The following SRPK2 variants were observed in gnomAD, a reference collection of about 807,000 sequenced individuals.
SRPK2 encodes the protein SRSF protein kinase 2.
A neutral mutation model predicts 90.8 loss-of-function variants in SRPK2; 21 were observed. The ratio of observed to expected loss-of-function variants is 0.23; its 90% CI spans 0.16 to 0.33. The LOEUF is 0.33. Among genes scored for constraint, SRPK2 ranks in the 10% least tolerant of loss-of-function variants. The pLI, the probability that SRPK2 is intolerant of heterozygous loss-of-function variation, is 1.00. For missense variants in SRPK2, 620 were observed against 869.0 expected, an observed-to-expected ratio of 0.71 and a Z score of 3.60; for synonymous variants, 288 against 311.1, an observed-to-expected ratio of 0.93 and a Z score of 0.78.
chr7:105,254,221 T>TA (rs1802901876), intron 2 of SRPK2, among the ~76,000 whole-genome samples: 1 of 152,224 alleles, frequency 6.6e-6, no homozygotes, highest in African/African-American at 2.4e-5. Flanking sequence ...TACTTAACTT[T>TA]TACTAGAGTA....
upstream of SRPK2, among the ~76,000 whole-genome samples, chr7:105,390,249 T>C (rs138747442): frequency 2.3e-3 from 347 of 152,272 alleles, 3 homozygotes; most frequent in African/African-American, 7.8e-3. Flanking sequence ...TAATCATCTG[T>C]AACATACAGG....
chr7:105,307,078 T>A (rs980139508), intron 2 of SRPK2, among the ~76,000 whole-genome samples: 14 of 152,310 alleles, frequency 9.2e-5, no homozygotes, highest in African/African-American at 3.1e-4. Flanking sequence ...AGATTTAATT[T>A]AAGGGTCAGA....
intron 2 of SRPK2, among the ~76,000 whole-genome samples, chr7:105,357,314 C>T (rs1198316216): frequency 6.6e-6 from 1 of 152,222 alleles, no homozygotes; most frequent in Admixed American, 6.5e-5. Flanking sequence ...GCTGCGATTA[C>T]AGGCGTGAGC....
At chr7:105,190,353 G>T (rs1193000702) in intron 3 of SRPK2, among the ~76,000 whole-genome samples, 4 of 152,268 alleles carry the variant, frequency 2.6e-5, no homozygotes, top group Non-Finnish European at 5.9e-5. Context: ...GTCCACTCTA[G>T]GTCAAAATGA....
intron 3 of SRPK2, among the ~76,000 whole-genome samples, chr7:105,198,179 G>A (rs1441136752): frequency 2.0e-5 from 3 of 152,122 alleles, no homozygotes; most frequent in African/African-American, 7.2e-5. Flanking sequence ...AATCACTGAT[G>A]AATTTGTTAA....
intron 2 of SRPK2, among the ~76,000 whole-genome samples, chr7:105,263,891 C>T (rs1804679215): frequency 6.6e-6 from 1 of 152,086 alleles, no homozygotes; most frequent in Non-Finnish European, 1.5e-5. Context: ...GATGAGAAGA[C>T]AACACAATCA....
At chr7:105,325,452 C>T (rs1813449910) in intron 2 of SRPK2, among the ~76,000 whole-genome samples, 1 of 126,234 alleles carries the variant, frequency 7.9e-6, no homozygotes, top group Non-Finnish European at 1.6e-5. Flanking sequence ...CACGTGCCAT[C>T]CTAATGAGGA....
chr7:105,354,665 G>C (rs1440010195), intron 2 of SRPK2, among the ~76,000 whole-genome samples: 3 of 152,102 alleles, frequency 2.0e-5, no homozygotes, highest in Non-Finnish European at 4.4e-5. Flanking sequence ...GTCTCTACCT[G>C]CTGGCTGGGA....
intron 2 of SRPK2, among the ~76,000 whole-genome samples, chr7:105,388,237 G>T (rs1821866701): frequency 6.6e-6 from 1 of 151,864 alleles, no homozygotes; most frequent in African/African-American, 2.4e-5. Context: ...TGGGAGCAAC[G>T]CAGCCGCTGC....
At chr7:105,129,366 G>GA (rs1050342756) in intron 13 of SRPK2, among the ~76,000 whole-genome samples, 3 of 151,976 alleles carry the variant, frequency 2.0e-5, no homozygotes, top group African/African-American at 7.3e-5. Context: ...ACATTACAAT[G>GA]AAAAAAACTC....
At chr7:105,150,705 C>T (rs1240016828) in intron 7 of SRPK2, among the ~76,000 whole-genome samples, 1 of 152,096 alleles carries the variant, frequency 6.6e-6, no homozygotes, top group Non-Finnish European at 1.5e-5. Context: ...AGTTCTATAT[C>T]TGAACAACAA....
intron 6 of SRPK2, among the ~76,000 whole-genome samples, chr7:105,162,305 G>C (rs1807795753): frequency 6.6e-6 from 1 of 152,154 alleles, no homozygotes; most frequent in Admixed American, 6.6e-5. Context: ...GTCTCCCAAA[G>C]TGCTGGGATT....
chr7:105,170,636 G>C (rs1790694689), intron 3 of SRPK2, among the ~76,000 whole-genome samples: 1 of 151,250 alleles, frequency 6.6e-6, no homozygotes, highest in African/African-American at 2.4e-5. Flanking sequence ...AGAGGTTACA[G>C]TGAGCCAAGA....
chr7:105,207,090 G>A (rs893495924), intron 2 of SRPK2, among the ~76,000 whole-genome samples: 2 of 152,182 alleles, frequency 1.3e-5, no homozygotes, highest in Non-Finnish European at 2.9e-5. Context: ...TTCTCCTAGG[G>A]CAGAAATAGA....
chr7:105,162,554 T>G (rs933502667), intron 6 of SRPK2, among the ~76,000 whole-genome samples: 1 of 152,216 alleles, frequency 6.6e-6, no homozygotes, highest in African/African-American at 2.4e-5. Context: ...TATGCTATAT[T>G]AAAACAATAT....
chr7:105,126,734 G>A (rs905860863), intron 14 of SRPK2, among the ~76,000 whole-genome samples: 1 of 152,192 alleles, frequency 6.6e-6, no homozygotes, highest in Admixed American at 6.5e-5. Context: ...TCAGCCAGCT[G>A]GGTTCCTGCC....
chr7:105,238,256 G>T (rs1367547984), intron 2 of SRPK2, among the ~76,000 whole-genome samples: 1 of 152,138 alleles, frequency 6.6e-6, no homozygotes, highest in Non-Finnish European at 1.5e-5. Context: ...AATCATCATC[G>T]TCGTCATCAT....
At chr7:105,170,949 A>AAG (rs1271089974) in intron 3 of SRPK2, among the ~76,000 whole-genome samples, 1 of 40,960 alleles carries the variant, frequency 2.4e-5, no homozygotes, top group Non-Finnish European at 7.2e-5. Context: ...GAAAGAAAGA[A>AAG]AGAAAGAAAG....
chr7:105,167,008 C>A (rs1315152569), intron 6 of SRPK2, among the ~76,000 whole-genome samples: 1 of 152,162 alleles, frequency 6.6e-6, no homozygotes, highest in Non-Finnish European at 1.5e-5. Context: ...GCCACTGGGG[C>A]ACACACAGAT....
Sources: allele counts gnomAD v4.1 joint callset (sites outside exome capture counted in the v4.1 genomes callset), GRCh38; gene constraint gnomAD v4.1.1; transcripts MANE v1.5; gene names NCBI Gene and HGNC (gene_info 2026-07-23, HGNC 2026-07-21).